PSMA1: variants seen among roughly 807,000 people sequenced by gnomAD.
The protein encoded by PSMA1 is proteasome subunit alpha type-1.
A neutral mutation model predicts 38.4 loss-of-function variants in PSMA1; 3 were observed. That is an observed-to-expected ratio of 0.08 (90% CI 0.04 to 0.20). PSMA1 has a LOEUF of 0.20. Among genes scored for constraint, PSMA1 ranks in the 10% least tolerant of loss-of-function variants. PSMA1 has a pLI of 1.00. For synonymous variants in PSMA1, 101 were observed against 107.1 expected, an observed-to-expected ratio of 0.94 and a Z score of 0.35; for missense variants, 227 against 325.3, an observed-to-expected ratio of 0.70 and a Z score of 2.32.
intron 2 of PSMA1, among the ~76,000 whole-genome samples, chr11:14,571,542 C>A (rs980579475): frequency 1.3e-5 from 2 of 152,282 alleles, no homozygotes; most frequent in East Asian, 3.9e-4. Flanking sequence ...ACAATCAGTA[C>A]CAGCCACTGC....
At chr11:14,538,284 T>A (rs1851733610) in intron 2 of PSMA1, among the ~76,000 whole-genome samples, 1 of 152,234 alleles carries the variant, frequency 6.6e-6, no homozygotes, top group Non-Finnish European at 1.5e-5. Flanking sequence ...TTGTTTTATA[T>A]AAAATTCAAA....
chr11:14,535,176 C>CTTTTT (rs1851690513), intron 2 of PSMA1, among the ~76,000 whole-genome samples: 1 of 147,872 alleles, frequency 6.8e-6, no homozygotes. Flanking sequence ...TTTTTTCTGG[C>CTTTTT]AACAGCTAAC....
intron 2 of PSMA1, among the ~76,000 whole-genome samples, chr11:14,566,098 T>C (rs980553936): frequency 6.6e-6 from 1 of 152,022 alleles, no homozygotes; most frequent in Non-Finnish European, 1.5e-5. Context: ...CAAGGGAAAG[T>C]GGTAAAGATG....
At chr11:14,578,589 G>T (rs543831642) in intron 2 of PSMA1, among the ~76,000 whole-genome samples, 1 of 152,352 alleles carries the variant, frequency 6.6e-6, no homozygotes, top group East Asian at 1.9e-4. Flanking sequence ...AGCAGAATGA[G>T]AAATGCAAAG....
intron 2 of PSMA1, among the ~76,000 whole-genome samples, chr11:14,531,991 A>G (rs1285138590): frequency 6.6e-6 from 1 of 152,150 alleles, no homozygotes; most frequent in Non-Finnish European, 1.5e-5. Context: ...CCCTGCCCAC[A>G]TTCTGATTAT....
chr11:14,584,490 T>C (rs954725201), intron 2 of PSMA1, among the ~76,000 whole-genome samples: 2 of 150,084 alleles, frequency 1.3e-5, no homozygotes, highest in Non-Finnish European at 3.0e-5. Flanking sequence ...TGGTTTGGAG[T>C]GTTTTTTTTG....
intron 2 of PSMA1, among the ~76,000 whole-genome samples, chr11:14,537,720 T>C (rs1851726420): frequency 6.6e-6 from 1 of 151,232 alleles, no homozygotes; most frequent in South Asian, 2.1e-4. Flanking sequence ...CCTTTTTTTT[T>C]TTTTTTTAGA....
intron 1 of PSMA1, among the ~76,000 whole-genome samples, chr11:14,631,267 A>G (rs1304370724): frequency 6.6e-6 from 1 of 151,466 alleles, no homozygotes; most frequent in Non-Finnish European, 1.5e-5. Flanking sequence ...TAGTGTGTCA[A>G]TTTTCGATAT....
At chr11:14,597,857 A>G (rs1852520910) in intron 2 of PSMA1, among the ~76,000 whole-genome samples, 1 of 151,986 alleles carries the variant, frequency 6.6e-6, no homozygotes, top group African/African-American at 2.4e-5. Flanking sequence ...TTGTTTTTAG[A>G]TATCTCCTGC....
chr11:14,592,396 T>A (rs200412089), intron 2 of PSMA1, among the ~76,000 whole-genome samples: 3,817 of 127,274 alleles, frequency 0.03, 60 homozygotes, highest in African/African-American at 0.061. Flanking sequence ...ATATATATAT[T>A]TTTTTTTTAG....
chr11:14,549,921 T>G lies in PSMA1; in HGVS notation c.22-30880A>C, dbSNP rs143826338. On this transcript the variant is annotated intron_variant, in intron 2 of 10. Transcript: ENST00000418988. ...GTAGGTAATATGTTGGATGGGATCT[T>G]TGTTATCTCAGCAAAACGAAAGATG... is the stretch of plus-strand genomic sequence containing the variant. Among the ~76,000 whole-genome samples, 523 of 152,290 alleles carry G rather than the reference T, an allele frequency of 3.4e-3. 2 individuals are homozygous for G. The highest frequency in any genetic ancestry group is 0.014 in the Middle Eastern group (4 of 294).
At chr11:14,520,628 C>G (rs1851514022), upstream of PSMA1, 3 of 547,448 alleles carry the variant, frequency 5.5e-6, no homozygotes, top group Non-Finnish European at 8.9e-6. Flanking sequence ...CGGATTCCCT[C>G]CAGTTTCTCC....
rs115916548 is a variant in PSMA1, at chr11:14,617,391, C to T, written c.-165-6240G>A. 5.3e-3 allele frequency among the ~76,000 whole-genome samples: 811 copies of T among 152,214 alleles called. 8 individuals are homozygous for T. Among genetic ancestry groups the T allele is most frequent in the African/African-American group, 0.019 (779 of 41,524 alleles). ...ATCATTTGCTTGTCTGTTTCTACTTCCCCCTTCCTTCCTCAACCATGTGAT... is the reference window on the plus strand; with the variant it reads ...ATCATTTGCTTGTCTGTTTCTACTTTCCCCTTCCTTCCTCAACCATGTGAT... On this transcript the variant is annotated intron_variant, in intron 1 of 10. Transcript: ENST00000418988.
At chr11:14,589,375 G>GTGTGTGTGTATATATA (rs1401715114) in intron 2 of PSMA1, among the ~76,000 whole-genome samples, 8 of 150,756 alleles carry the variant, frequency 5.3e-5, no homozygotes, top group Non-Finnish European at 2.9e-5. Flanking sequence ...ATGTGTGTGT[G>GTGTGTGTGTATATATA]TGTGTGTGTA....
intron 2 of PSMA1, among the ~76,000 whole-genome samples, chr11:14,598,462 A>G (rs542290765): frequency 9.8e-4 from 149 of 152,194 alleles, no homozygotes; most frequent in African/African-American, 3.5e-3. Context: ...TAGGACAGTT[A>G]GCTCTTCTTG....
intron 2 of PSMA1, among the ~76,000 whole-genome samples, chr11:14,594,085 A>G (rs1471642380): frequency 6.6e-6 from 1 of 152,240 alleles, no homozygotes; most frequent in African/African-American, 2.4e-5. Flanking sequence ...TAATGTTAAT[A>G]ATGAGAATGG....
chr11:14,506,892 G>A (rs988629594), intron 9 of PSMA1, among the ~76,000 whole-genome samples: 1 of 152,182 alleles, frequency 6.6e-6, no homozygotes, highest in African/African-American at 2.4e-5. Flanking sequence ...AGTCATCCTA[G>A]CAGAGGTCTC....
At chr11:14,572,316 C>T (rs1852153878) in intron 2 of PSMA1, among the ~76,000 whole-genome samples, 1 of 152,220 alleles carries the variant, frequency 6.6e-6, no homozygotes, top group African/African-American at 2.4e-5. Context: ...GAAACTGTCT[C>T]TCAGACCACA....
At chr11:14,543,792 T>C (rs150014764) in intron 2 of PSMA1, among the ~76,000 whole-genome samples, 3,857 of 152,340 alleles carry the variant, frequency 0.025, 187 homozygotes, top group Admixed American at 0.13. Flanking sequence ...CATTTTATTA[T>C]AATGATGAGA....
Sources: gnomAD v4.1 joint callset for allele counts (sites outside exome capture counted in the v4.1 genomes callset) on GRCh38, gnomAD v4.1.1 for gene constraint, MANE v1.5 for transcripts, NCBI Gene and HGNC (gene_info 2026-07-23, HGNC 2026-07-21) for gene names.